RWDD4: variants seen among roughly 807,000 people sequenced by gnomAD.
The protein encoded by RWDD4 is RWD domain containing 4.
In RWDD4, 16 loss-of-function variants were observed where a neutral mutation model predicts 30.0. The observed-to-expected ratio is 0.53, with a 90% confidence interval of 0.36 to 0.81. The LOEUF (loss-of-function observed/expected upper bound fraction) is 0.81. Ranked by LOEUF, RWDD4 falls within the 30% of genes least tolerant of loss-of-function variation. The probability of loss-of-function intolerance (pLI) is 0.00; values close to 1 mark genes in which losing one functional copy is unlikely to be tolerated. For synonymous variants in RWDD4, 45 were observed against 72.1 expected (o/e 0.62, Z 1.90); for missense variants, 170 against 223.9 (o/e 0.76, Z 1.54).
At chr4:183,652,445 G>C (rs1162614855) in intron 2 of RWDD4, among the ~76,000 whole-genome samples, 2 of 147,834 alleles carry the variant, frequency 1.4e-5, no homozygotes, top group African/African-American at 5.0e-5. Context: ...ACAGCGAGCT[G>C]AGATCGTGCC....
intron 4 of RWDD4, among the ~76,000 whole-genome samples, chr4:183,650,039 T>G (rs1460262816): frequency 6.6e-6 from 1 of 152,200 alleles, no homozygotes; most frequent in East Asian, 1.9e-4. Flanking sequence ...GTTAATGCAG[T>G]CAGGGTATAT....
At chr4:183,653,796 GA>G (rs1734130180) in intron 2 of RWDD4, 4 of 152,168 alleles carry the variant, frequency 2.6e-5, no homozygotes. Context: ...GCGCATTTAG[GA>G]ATAAATTATC....
Position 183,640,142 on chromosome 4 carries a change from A to T in RWDD4, c.*1294T>A, listed in dbSNP as rs1733831252. 1 of 127,594 alleles carries T rather than the reference A, an allele frequency of 7.8e-6. No homozygotes were observed. Among genetic ancestry groups the T allele is most frequent in the Middle Eastern group, 3.6e-3 (1 of 274 alleles). The allele number at this position is 127,594 out of a possible 1,614,324, so 7.9% of individuals were successfully genotyped here. ...TAACTCCTTTGCTGTAATTATACTTACTCTATAATTCAAACTATTTAGCTG... is the reference window on the plus strand; with the variant it reads ...TAACTCCTTTGCTGTAATTATACTTTCTCTATAATTCAAACTATTTAGCTG... On this transcript the variant is annotated 3_prime_UTR_variant, in exon 8 of 8. Transcript: ENST00000326397.
Position 183,652,436 on chromosome 4 carries a change from C to G in RWDD4, c.106-1109G>C, listed in dbSNP as rs1052504049. ...GGTCCAGCTGATCACGGGGCGGTCA[C>G]AGCGAGCTGAGATCGTGCCATTGCA... On this transcript the variant is annotated intron_variant, in intron 2 of 7. Transcript: ENST00000326397. 3.1e-4 allele frequency among the ~76,000 whole-genome samples: 45 copies of G among 146,594 alleles called. 1 individual carries two copies.
intron 7 of RWDD4, among the ~76,000 whole-genome samples, chr4:183,642,440 C>T (rs186260549): frequency 1.2e-5 from 1 of 85,322 alleles, no homozygotes; most frequent in Non-Finnish European, 2.2e-5. Context: ...CCGCCCGCCT[C>T]GGCCTCCCAA....
At chr4:183,651,512 C>G (rs1046989144) in intron 2 of RWDD4, among the ~76,000 whole-genome samples, 185 bp from the exon 3 acceptor site, 10 of 152,218 alleles carry the variant, frequency 6.6e-5, no homozygotes, top group Non-Finnish European at 1.2e-4. Context: ...GACAGTCTGA[C>G]TTTAATTTAG....
At chr4:183,648,287 C>T (rs1561010849) in intron 5 of RWDD4, among the ~76,000 whole-genome samples, 1 of 149,914 alleles carries the variant, frequency 6.7e-6, no homozygotes, top group Admixed American at 6.6e-5. Flanking sequence ...ATAAAAGGGT[C>T]GGTTCTTCTC....
Position 183,639,737 on chromosome 4 carries a change from G to A in RWDD4, c.*1699C>T, listed in dbSNP as rs552203911. 3.1e-4 allele frequency: 48 copies of A among 152,688 alleles called. No individual in the cohort carries two copies. The highest frequency in any genetic ancestry group is 5.7e-4 in the Non-Finnish European group (39 of 68,032). The allele number at this position is 152,688 out of a possible 1,614,324, so 9.5% of individuals were successfully genotyped here. ...AATATACTGGGAGTGTTAAACAGAT[G>A]ACGGCAATATTGATGAGGCTGTTCA... On this transcript the variant is annotated 3_prime_UTR_variant, in exon 8 of 8. Coordinates refer to ENST00000326397, the MANE Select transcript of RWDD4 (RefSeq NM_152682.4).
At position 183,641,071 on chromosome 4, in the gene RWDD4, T is replaced by C. The variant is rs1733846291; in HGVS notation, c.*365A>G. 1 of 253,596 alleles carries C rather than the reference T, an allele frequency of 3.9e-6. No homozygotes were observed. Among genetic ancestry groups the C allele is most frequent in the Admixed American group, 5.6e-5 (1 of 17,770 alleles). 15.7% of individuals were successfully genotyped at this position (253,596 alleles called of 1,614,324 possible). A position where few individuals can be genotyped will look rare whatever the true frequency, so the allele number is the denominator to read the frequency against. On this transcript the variant is annotated 3_prime_UTR_variant, in exon 8 of 8. Coordinates refer to ENST00000326397, the MANE Select transcript of RWDD4 (RefSeq NM_152682.4). ...CTGTTCACTGAGTACTCCGCTCCAC[T>C]GGGATGATAGTTTGAAAAGGGCTTC...
intron 7 of RWDD4, among the ~76,000 whole-genome samples, chr4:183,645,934 ACT>A (rs1315727123): frequency 1.4e-4 from 22 of 152,050 alleles, no homozygotes; most frequent in African/African-American, 5.3e-4. Flanking sequence ...ATGGAGTCTC[ACT>A]CTGTCGCCCA....
chr4:183,651,292 T>C lies in RWDD4; in HGVS notation c.141A>G (p.Ile47Met). The C allele has an allele frequency of 6.2e-7, 1 of 1,611,978 alleles. No individual in the cohort carries two copies. The highest frequency in any genetic ancestry group is 8.5e-7 in the Non-Finnish European group (1 of 1,179,524). ...GATATGTTTCTGTCCAGGAAATCTC[T>C]ATTAAGAAGGCTTTGGGATCACCAT... ...GENGDPKAFL[I>M]EISWTETYPQ... The change falls in exon 3 of 8, where the codon ATA becomes ATG. Residue 47 changes from isoleucine (I) to methionine (M), a missense_variant. Physicochemically the swap from Ile to Met is conservative, Grantham distance 10. Transcript: ENST00000326397.
At chr4:183,643,115 TAAA>T (rs57474200) in intron 7 of RWDD4, among the ~76,000 whole-genome samples, 215 of 109,402 alleles carry the variant, frequency 2.0e-3, no homozygotes, top group African/African-American at 5.9e-3. Context: ...AAATAAAAAT[TAAA>T]AAAAAAAAAA....
intron 2 of RWDD4, among the ~76,000 whole-genome samples, chr4:183,651,804 A>G (rs1000781435): frequency 6.6e-6 from 1 of 152,258 alleles, no homozygotes; most frequent in African/African-American, 2.4e-5. Context: ...GAAAAAAGGA[A>G]AAGGCAAAGG....
chr4:183,642,240 A>T (rs6850307), intron 7 of RWDD4, among the ~76,000 whole-genome samples: 33,321 of 87,552 alleles, frequency 0.38, 8,002 homozygotes, highest in African/African-American at 0.53. Flanking sequence ...CCCAGGCTGG[A>T]GTGCAGTGGC....
intron 2 of RWDD4, 107 bp downstream of exon 2, chr4:183,655,772 TAC>T: frequency 4.6e-6 from 3 of 651,958 alleles, no homozygotes; most frequent in Non-Finnish European, 8.2e-6. Context: ...CTACAGAAAA[TAC>T]AGACATAATA....
Position 183,649,709 on chromosome 4 carries a change from A to T in RWDD4, c.364-141T>A, listed in dbSNP as rs1215162773. On this transcript the variant is annotated intron_variant, in intron 4 of 7. Coordinates refer to ENST00000326397, the MANE Select transcript of RWDD4 (RefSeq NM_152682.4). ...TATATTATTATGATTCATTTTTAAA[A>T]TCAAGTGCCCTTAACACATTATTGG... is the stretch of plus-strand genomic sequence containing the variant. 3 of 489,126 alleles carry T rather than the reference A, an allele frequency of 6.1e-6. No individual in the cohort carries two copies. In the East Asian group the frequency reaches 1.0e-4, roughly 17 times the overall value. The allele number at this position is 489,126 out of a possible 1,614,324, so 30.3% of individuals were successfully genotyped here.
Position 183,651,323 on chromosome 4 carries a change from C to G in RWDD4, c.110G>C (p.Gly37Ala). ...GAAGGCTTTGGGATCACCATTTTCA[C>G]CTATCTGAAGAGAAGGGGAAATCTT... is the stretch of plus-strand genomic sequence containing the variant. Reference protein sequence around the residue: ...LSPVSFQYRIGENGDPKAFLI... With the variant: ...LSPVSFQYRIAENGDPKAFLI... The change falls in exon 3 of 8, where the codon GGT becomes GCT. Residue 37 changes from glycine to alanine, a missense_variant. Physicochemically the swap from Gly to Ala is moderately conservative, Grantham distance 60 (BLOSUM62 0). Coordinates refer to ENST00000326397, the MANE Select transcript of RWDD4 (RefSeq NM_152682.4). 6.2e-7 allele frequency: 1 copy of G among 1,609,186 alleles called. No individual in the cohort carries two copies. The highest frequency in any genetic ancestry group is 2.2e-5 in the East Asian group (1 of 44,854).
Position 183,649,581 on chromosome 4 carries a change from A to G in RWDD4, c.364-13T>C. The G allele has an allele frequency of 3.9e-6, 5 of 1,292,112 alleles. No homozygotes were observed. The highest frequency in any genetic ancestry group is 5.5e-6 in the Non-Finnish European group (5 of 903,406). 80.0% of individuals were successfully genotyped at this position (1,292,112 alleles called of 1,614,324 possible). Reference sequence around the variant, plus strand: ...TGCTTATCGATGTCTAAAAAAAAAAAGAAATAATTCTCAGCCTCATACCTT... The same window carrying G: ...TGCTTATCGATGTCTAAAAAAAAAAGGAAATAATTCTCAGCCTCATACCTT... On this transcript the variant is annotated splice_polypyrimidine_tract_variant and intron_variant, in intron 4 of 7. Transcript: ENST00000326397.
rs141916297 is a variant in RWDD4, at chr4:183,651,247, T to C, written c.186A>G (p.Leu62=). The C allele has an allele frequency of 3.7e-6, 6 of 1,613,406 alleles. No individual in the cohort carries two copies. In the East Asian group the frequency reaches 6.7e-5, roughly 18 times the overall value. Reference sequence around the variant, plus strand: ...TGTTGTTAAAAAAAGCGTTCATAGATAGAATTGGAGGTGTTTGGGGATATG... The same window carrying C: ...TGTTGTTAAAAAAAGCGTTCATAGACAGAATTGGAGGTGTTTGGGGATATG... The part of the protein sequence containing the change: ...TETYPQTPPI[L]SMNAFFNNTI... Residue 62 remains leucine, a synonymous_variant, in exon 3 of 8, where the codon CTA becomes CTG. Coordinates refer to ENST00000326397, the MANE Select transcript of RWDD4 (RefSeq NM_152682.4).
Sources: gnomAD v4.1 joint callset for allele counts (sites outside exome capture counted in the v4.1 genomes callset) on GRCh38, gnomAD v4.1.1 for gene constraint, MANE v1.5 for transcripts, NCBI Gene and HGNC (gene_info 2026-07-23, HGNC 2026-07-21) for gene names.